The following IER5 variants were observed in gnomAD, a reference collection of about 807,000 sequenced individuals.
IER5 encodes immediate early response gene 5 protein.
Under a neutral mutation model 8.2 loss-of-function variants are expected in IER5, and 3 were observed. That is an observed-to-expected ratio of 0.36 (90% CI 0.17 to 0.94). The LOEUF (loss-of-function observed/expected upper bound fraction) is 0.94. IER5 is among the 40% of genes least tolerant of loss of function. The probability of loss-of-function intolerance (pLI) is 0.43; values close to 1 mark genes in which losing one functional copy is unlikely to be tolerated. For missense variants in IER5, 531 were observed against 494.3 expected (o/e 1.07, Z -0.70); for synonymous variants, 286 against 230.1 (o/e 1.24, Z -2.20).
In IER5 at chr1:181,089,209, G is replaced by C. The variant is rs200142413; in HGVS notation, c.307G>C (p.Glu103Gln). 5.9e-6 allele frequency: 9 copies of C among 1,537,098 alleles called. No homozygotes were observed. Among genetic ancestry groups the C allele is most frequent in the Non-Finnish European group, 7.9e-6 (9 of 1,143,788 alleles). Residue 103 changes from glutamate to glutamine, a missense_variant, in exon 1 of 1, where the codon GAG (glutamate) becomes CAG (glutamine). Glu to Gln is a conservative substitution (Grantham distance 29). Coordinates refer to ENST00000367577, the MANE Select transcript of IER5 (RefSeq NM_016545.5). ...TTGGCCGGAGACCGAGCCGCAGCCG[G>C]AGCGCTCCTCCGTCTCAGACGCGCC... ...ASWPETEPQP[E>Q]RSSVSDAPRV...
rs1302961434 is a variant in IER5 at position 181,088,950 on chromosome 1, C to T, written c.48C>T (p.Gly16=). ...ATCGCATCGTCAGCATCTCTCTGGG[C>T]AAGATCTACAACTCGCGGGTCCAGC... ...EAHRIVSISL[G]KIYNSRVQRG... is the part of the protein sequence containing the mutation. Residue 16 remains glycine, a synonymous_variant, in exon 1 of 1, where the codon GGC becomes GGT. Coordinates refer to ENST00000367577, the MANE Select transcript of IER5 (RefSeq NM_016545.5). 3 of 1,613,844 alleles carry T rather than the reference C, an allele frequency of 1.9e-6. No individual in the cohort carries two copies. The highest frequency in any genetic ancestry group is 1.1e-5 in the South Asian group (1 of 91,078).
chr1:181,089,494 T>C lies in IER5; in HGVS notation c.592T>C (p.Cys198Arg). Residue 198 changes from cysteine (C) to arginine (R), a missense_variant, in exon 1 of 1, where the codon TGC (cysteine) becomes CGC (arginine). Coordinates refer to ENST00000367577, the MANE Select transcript of IER5 (RefSeq NM_016545.5). Reference sequence around the variant, plus strand: ...GGCCGCGACCCCCCGCGCTGCCTGCTGCTGCGCGCCGCAACCAGCGGAGGA... The same window carrying C: ...GGCCGCGACCCCCCGCGCTGCCTGCCGCTGCGCGCCGCAACCAGCGGAGGA... ...TPAATPRAAC[C>R]CAPQPAEDEP... is the part of the protein sequence containing the mutation. 1 of 1,326,394 alleles carries C rather than the reference T, an allele frequency of 7.5e-7. No homozygotes were observed. Among genetic ancestry groups the C allele is most frequent in the African/African-American group, 1.5e-5 (1 of 65,040 alleles). 82.2% of individuals were successfully genotyped at this position (1,326,394 alleles called of 1,614,324 possible).
Position 181,089,790 on chromosome 1 carries a change from G to A in IER5, c.888G>A (p.Glu296=). ...GGGREEEEGE[E]SGPEAAEPGQ... ...GCAGAGAGGAAGAGGAGGGAGAGGA[G>A]AGCGGTCCGGAAGCCGCCGAGCCCG... Residue 296 remains glutamate, a synonymous_variant, in exon 1 of 1, where the codon GAG becomes GAA. Transcript: ENST00000367577. 2 of 1,613,640 alleles carry A rather than the reference G, an allele frequency of 1.2e-6. No homozygotes were observed. Among genetic ancestry groups the A allele is most frequent in the South Asian group, 2.2e-5 (2 of 91,046 alleles).
At position 181,089,207 on chromosome 1, in the gene IER5, C is replaced by T. The variant is rs779470908; in HGVS notation, c.305C>T (p.Pro102Leu). 6.5e-6 allele frequency: 10 copies of T among 1,535,840 alleles called. No homozygotes were observed. The African/African-American group carries it at 7.1e-5, about 11-fold the overall frequency. Residue 102 changes from proline (P) to leucine (L), a missense_variant, in exon 1 of 1, where the codon CCG becomes CTG. Coordinates refer to ENST00000367577, the MANE Select transcript of IER5 (RefSeq NM_016545.5). The stretch of plus-strand genomic sequence containing the variant: ...TCTTGGCCGGAGACCGAGCCGCAGC[C>T]GGAGCGCTCCTCCGTCTCAGACGCG... ...RASWPETEPQ[P>L]ERSSVSDAPR...
rs1401666189 is a variant in IER5, at chr1:181,089,421, C to T, written c.519C>T (p.Arg173=). The T allele has an allele frequency of 9.2e-6, 13 of 1,408,062 alleles. No homozygotes were observed. Among genetic ancestry groups the T allele is most frequent in the Non-Finnish European group, 1.2e-5 (13 of 1,079,320 alleles). The allele number at this position is 1,408,062 out of a possible 1,614,324, so 87.2% of individuals were successfully genotyped here. The change falls in exon 1 of 1, where the codon CGC becomes CGT. Residue 173 remains arginine, a synonymous_variant. Coordinates refer to ENST00000367577, the MANE Select transcript of IER5 (RefSeq NM_016545.5). ...TCCCCGAGGTATCTCGTGCCGCGCG[C>T]CGCCCCTGCGGCTGCCCCCTAGGCG... The part of the protein sequence containing the change: ...GVFPEVSRAA[R]RPCGCPLGGE...
At position 181,089,513 on chromosome 1, in the gene IER5, C is replaced by T. The variant is rs1210064679; in HGVS notation, c.611C>T (p.Ala204Val). The change falls in exon 1 of 1, where the codon GCG becomes GTG. Residue 204 changes from alanine to valine, a missense_variant. Physicochemically the swap from Ala to Val is moderately conservative, Grantham distance 64. Coordinates refer to ENST00000367577, the MANE Select transcript of IER5 (RefSeq NM_016545.5). ...GCCTGCTGCTGCGCGCCGCAACCAGCGGAGGACGAGCCCCCCGCGCCGCCC... is the reference window on the plus strand; with the variant it reads ...GCCTGCTGCTGCGCGCCGCAACCAGTGGAGGACGAGCCCCCCGCGCCGCCC... ...RAACCCAPQP[A>V]EDEPPAPPAV... 7.7e-7 allele frequency: 1 copy of T among 1,301,776 alleles called. No homozygotes were observed. The highest frequency in any genetic ancestry group is 9.8e-7 in the Non-Finnish European group (1 of 1,023,394). The allele number at this position is 1,301,776 out of a possible 1,614,324, so 80.6% of individuals were successfully genotyped here. A position where few individuals can be genotyped will look rare whatever the true frequency, so the allele number is the denominator to read the frequency against.
rs1571428656 is a variant in IER5 at position 181,091,074 on chromosome 1, C to A, written c.*1188C>A. The A allele has an allele frequency of 1.3e-5, 2 of 152,148 alleles. No individual in the cohort carries two copies. Among genetic ancestry groups the A allele is most frequent in the South Asian group, 4.1e-4 (2 of 4,830 alleles). 9.4% of individuals were successfully genotyped at this position (152,148 alleles called of 1,614,324 possible). A position where few individuals can be genotyped will look rare whatever the true frequency, so the allele number is the denominator to read the frequency against. ...TCGGCGACCTGTCAGGTTCTAGAAA[C>A]CTGCCACTACAACTGCCTTTTCTAA... On this transcript the variant is annotated 3_prime_UTR_variant, in exon 1 of 1. Transcript: ENST00000367577.
Position 181,089,927 on chromosome 1 carries a change from G to T in IER5, c.*41G>T. 3 of 1,596,464 alleles carry T rather than the reference G, an allele frequency of 1.9e-6. No individual in the cohort carries two copies. The highest frequency in any genetic ancestry group is 2.6e-6 in the Non-Finnish European group (3 of 1,173,650). On this transcript the variant is annotated 3_prime_UTR_variant, in exon 1 of 1. Transcript: ENST00000367577. The stretch of plus-strand genomic sequence containing the variant: ...GCGGGGAGGAGGTGGAGCAGCGGGC[G>T]TCCCCGAAGTGAGGGCCAGGCCCTT...
In IER5 at chr1:181,090,933, T is replaced by A. The variant is rs1659462508; in HGVS notation, c.*1047T>A. The A allele has an allele frequency of 6.6e-6, 1 of 152,218 alleles. No individual in the cohort carries two copies. The highest frequency in any genetic ancestry group is 2.4e-5 in the African/African-American group (1 of 41,424). 9.4% of individuals were successfully genotyped at this position (152,218 alleles called of 1,614,324 possible). On this transcript the variant is annotated 3_prime_UTR_variant, in exon 1 of 1. Coordinates refer to ENST00000367577, the MANE Select transcript of IER5 (RefSeq NM_016545.5). ...CTGAGCTAGAAAATTGAAGGTGTGG[T>A]TCTTAGTATCAGTCATTCGCAGACT...
chr1:181,091,614 A>T lies in IER5; in HGVS notation c.*1728A>T, dbSNP rs766422701. On this transcript the variant is annotated 3_prime_UTR_variant, in exon 1 of 1. Transcript: ENST00000367577. ...TTACTAAAATCACTGCCATTAAGAG[A>T]GTTTTTTGTCTCTTCATGTTCAATG... The T allele has an allele frequency of 1.3e-5, 2 of 152,222 alleles. No homozygotes were observed. Among genetic ancestry groups the T allele is most frequent in the African/African-American group, 2.4e-5 (1 of 41,450 alleles). The allele number at this position is 152,222 out of a possible 1,614,324, so 9.4% of individuals were successfully genotyped here.
rs1355515981 is a variant in IER5, at chr1:181,090,226, T to G, written c.*340T>G. ...TTGGGGGCAGACAGGGACTTTCCTC[T>G]GCCGGCTGCGTGGAGAAGGAAGCGG... On this transcript the variant is annotated 3_prime_UTR_variant, in exon 1 of 1. Transcript: ENST00000367577. 3.3e-6 allele frequency: 1 copy of G among 306,646 alleles called. No homozygotes were observed. Among genetic ancestry groups the G allele is most frequent in the East Asian group, 9.0e-5 (1 of 11,116 alleles). The allele number at this position is 306,646 out of a possible 1,614,324, so 19.0% of individuals were successfully genotyped here.
Position 181,088,803 on chromosome 1 carries a change from C to T in IER5, c.-100C>T, listed in dbSNP as rs939355585. On this transcript the variant is annotated 5_prime_UTR_variant, in exon 1 of 1. Coordinates refer to ENST00000367577, the MANE Select transcript of IER5 (RefSeq NM_016545.5). ...GTTTCTCTTCGGAGTCTTAGGTGAT[C>T]GAGGGTGTGCCCAGGGGGCGGACTT... 1 of 721,620 alleles carries T rather than the reference C, an allele frequency of 1.4e-6. No homozygotes were observed. The highest frequency in any genetic ancestry group is 2.2e-6 in the Non-Finnish European group (1 of 450,064). The allele number at this position is 721,620 out of a possible 1,614,324, so 44.7% of individuals were successfully genotyped here. A position where few individuals can be genotyped will look rare whatever the true frequency, so the allele number is the denominator to read the frequency against.
In IER5 at chr1:181,092,472, A is replaced by T. The variant is rs1324333639; in HGVS notation, c.*2586A>T. ...CTTCCTTTATTTATTTATTTATTTAATTATAAAAAGTAAATATAAAGTGAG... is the reference window on the plus strand; with the variant it reads ...CTTCCTTTATTTATTTATTTATTTATTTATAAAAAGTAAATATAAAGTGAG... On this transcript the variant is annotated 3_prime_UTR_variant, in exon 1 of 1. Transcript: ENST00000367577. 2 of 151,968 alleles carry T rather than the reference A, an allele frequency of 1.3e-5. No homozygotes were observed. The highest frequency in any genetic ancestry group is 1.9e-4 in the East Asian group (1 of 5,194). The allele number at this position is 151,968 out of a possible 1,614,324, so 9.4% of individuals were successfully genotyped here.
Position 181,088,968 on chromosome 1 carries a change from G to C in IER5, c.66G>C (p.Arg22=), listed in dbSNP as rs760714700. 1 of 1,613,782 alleles carries C rather than the reference G, an allele frequency of 6.2e-7. No homozygotes were observed. Among genetic ancestry groups the C allele is most frequent in the Admixed American group, 1.7e-5 (1 of 60,032 alleles). Residue 22 remains arginine (R), a synonymous_variant, in exon 1 of 1, where the codon CGG becomes CGC. Transcript: ENST00000367577. The stretch of plus-strand genomic sequence containing the variant: ...CTCTGGGCAAGATCTACAACTCGCG[G>C]GTCCAGCGCGGCGGCATCAAGCTGC... ...SISLGKIYNS[R]VQRGGIKLHK...
chr1:181,088,885 C>T lies in IER5; in HGVS notation c.-18C>T, dbSNP rs767572401. The T allele has an allele frequency of 9.3e-6, 15 of 1,610,852 alleles. No homozygotes were observed. The South Asian group carries it at 1.1e-4, about 12-fold the overall frequency. ...AACGTGTCACCCCGGCGCCGACGGC[C>T]CTGTGCAGGGGAAGCAGATGGAGTT... On this transcript the variant is annotated 5_prime_UTR_variant, in exon 1 of 1. Coordinates refer to ENST00000367577, the MANE Select transcript of IER5 (RefSeq NM_016545.5).
Position 181,089,643 on chromosome 1 carries a change from G to C in IER5, c.741G>C (p.Glu247Asp), listed in dbSNP as rs1362743893. The C allele has an allele frequency of 6.2e-7, 1 of 1,612,792 alleles. No homozygotes were observed. The highest frequency in any genetic ancestry group is 1.7e-5 in the Admixed American group (1 of 60,000). ...TCAAGAAGCCCCGCCGGAACTTAGA[G>C]CAGCCGCCGAGTGGAGGAGAGGACG... The part of the protein sequence containing the change: ...TPLKKPRRNL[E>D]QPPSGGEDDD... The change falls in exon 1 of 1, where the codon GAG (glutamate) becomes GAC (aspartate). Residue 247 changes from glutamate (E) to aspartate (D), a missense_variant. Coordinates refer to ENST00000367577, the MANE Select transcript of IER5 (RefSeq NM_016545.5).
At position 181,089,227 on chromosome 1, in the gene IER5, G is replaced by T; in HGVS notation, c.325G>T (p.Asp109Tyr). 6.5e-7 allele frequency: 1 copy of T among 1,546,752 alleles called. No individual in the cohort carries two copies. Reference sequence around the variant, plus strand: ...GCAGCCGGAGCGCTCCTCCGTCTCAGACGCGCCGCGGGTAGGGGACGAGGT... The same window carrying T: ...GCAGCCGGAGCGCTCCTCCGTCTCATACGCGCCGCGGGTAGGGGACGAGGT... ...EPQPERSSVSDAPRVGDEVPV... is the reference protein window; with the variant it reads ...EPQPERSSVSYAPRVGDEVPV... Residue 109 changes from aspartate to tyrosine, a missense_variant, in exon 1 of 1, where the codon GAC (aspartate) becomes TAC (tyrosine). Coordinates refer to ENST00000367577, the MANE Select transcript of IER5 (RefSeq NM_016545.5).
chr1:181,092,035 G>T lies in IER5; in HGVS notation c.*2149G>T, dbSNP rs1034546636. 2 of 152,080 alleles carry T rather than the reference G, an allele frequency of 1.3e-5. No homozygotes were observed. The highest frequency in any genetic ancestry group is 4.8e-5 in the African/African-American group (2 of 41,386). 9.4% of individuals were successfully genotyped at this position (152,080 alleles called of 1,614,324 possible). ...TCTCAAATTAGGGTCTTGTTAAACT[G>T]ACTTTTTCTTTCAGAAAGTAGCTAC... On this transcript the variant is annotated 3_prime_UTR_variant, in exon 1 of 1. Coordinates refer to ENST00000367577, the MANE Select transcript of IER5 (RefSeq NM_016545.5).
rs772945740 is a variant in IER5 at position 181,089,122 on chromosome 1, G to A, written c.220G>A (p.Glu74Lys). The change falls in exon 1 of 1, where the codon GAG (glutamate) becomes AAG (lysine). Residue 74 changes from glutamate (E) to lysine (K), a missense_variant. Transcript: ENST00000367577. ...GCCGCCACCGCAGCAGCAGCCCGGG[G>A]AGCCGGCGGCCGGGCCACCCGCCGG... is the stretch of plus-strand genomic sequence containing the variant. ...PAPPPQQQPG[E>K]PAAGPPAGWG... is the part of the protein sequence containing the mutation. 2.1e-6 allele frequency: 3 copies of A among 1,411,410 alleles called. No homozygotes were observed. In the South Asian group the frequency reaches 4.7e-5, roughly 22 times the overall value. The allele number at this position is 1,411,410 out of a possible 1,614,324, so 87.4% of individuals were successfully genotyped here.
Sources: gnomAD v4.1 joint callset for allele counts on GRCh38, gnomAD v4.1.1 for gene constraint, MANE v1.5 for transcripts, NCBI Gene and HGNC (gene_info 2026-07-23, HGNC 2026-07-21) for gene names.